The following MRE11 variants were observed in gnomAD, a reference collection of about 807,000 sequenced individuals.
MRE11 encodes double-strand break repair protein MRE11.
MRE11 carries 62 observed loss-of-function variants against 91.7 expected under a neutral mutation model. The observed-to-expected ratio is 0.68, with a 90% CI of 0.55 to 0.84. The LOEUF is 0.84. MRE11 is among the 40% of genes least tolerant of loss of function. The pLI, the probability that MRE11 is intolerant of heterozygous loss-of-function variation, is 0.00. For missense variants in MRE11, 796 were observed against 852.9 expected (o/e 0.93, Z 0.83); for synonymous variants, 273 against 271.4 (o/e 1.01, Z -0.06).
At chr11:94,445,972 C>G in intron 15 of MRE11, 79 bp from the exon 16 acceptor site, 2 of 1,010,718 alleles carry the variant, frequency 2.0e-6, no homozygotes, top group Non-Finnish European at 3.2e-6. Flanking sequence ...AAAATGAAAG[C>G]TAAATAAACT....
intron 7 of MRE11, chr11:94,473,099 G>A (rs1353362565): frequency 6.6e-6 from 1 of 152,106 alleles, no homozygotes; most frequent in Admixed American, 6.6e-5. Flanking sequence ...AGCAGTAGAA[G>A]AGCAGATGGT....
At chr11:94,489,916 C>G (rs981471109) in intron 3 of MRE11, among the ~76,000 whole-genome samples, 2 of 152,104 alleles carry the variant, frequency 1.3e-5, no homozygotes, top group Admixed American at 6.6e-5. Flanking sequence ...ACTATTCACC[C>G]AAACTCCACA....
At chr11:94,479,646 C>T (rs1311644330) in intron 5 of MRE11, 28 bp downstream of exon 5, 2 of 1,591,844 alleles carry the variant, frequency 1.3e-6, no homozygotes, top group Non-Finnish European at 1.7e-6. Context: ...TCCAAAATTC[C>T]AACAAACTCT....
chr11:94,495,486 G>C (rs911773104), upstream of MRE11, among the ~76,000 whole-genome samples: 1 of 152,166 alleles, frequency 6.6e-6, no homozygotes, highest in Non-Finnish European at 1.5e-5. Context: ...ATCTAAATGA[G>C]AGGATCAAGA....
upstream of MRE11, chr11:94,497,999 C>A: frequency 4.2e-6 from 5 of 1,197,162 alleles, no homozygotes; most frequent in South Asian, 3.1e-5. Flanking sequence ...AATCTAACAC[C>A]ACAAGACAAT....
chr11:94,486,662 G>A (rs931254291), intron 3 of MRE11, among the ~76,000 whole-genome samples: 1 of 152,042 alleles, frequency 6.6e-6, no homozygotes, highest in African/African-American at 2.4e-5. Flanking sequence ...CAAACTCTGG[G>A]GTGCACTAGA....
chr11:94,448,580 C>A (rs574248222), intron 14 of MRE11, among the ~76,000 whole-genome samples: 1 of 152,000 alleles, frequency 6.6e-6, no homozygotes, highest in South Asian at 2.1e-4. Context: ...CACTGCACTT[C>A]AGCCTAGGTG....
At chr11:94,509,319 T>C in the MRE11 span, among the ~76,000 whole-genome samples, 4 of 152,256 alleles carry the variant, frequency 2.6e-5, no homozygotes, top group African/African-American at 9.6e-5. Flanking sequence ...TTATTGTCTT[T>C]TACATTCCAT....
chr11:94,457,783 G>T (rs13447675), intron 13 of MRE11, among the ~76,000 whole-genome samples: 1,574 of 152,042 alleles, frequency 0.01, 14 homozygotes, highest in Non-Finnish European at 0.018. Flanking sequence ...TCAATGATGG[G>T]TACACAGCTA....
chr11:94,427,178 CA>C (rs1413504586), intron 19 of MRE11, among the ~76,000 whole-genome samples: 2 of 151,968 alleles, frequency 1.3e-5, no homozygotes, highest in Non-Finnish European at 2.9e-5. Flanking sequence ...AGCAGCACAT[CA>C]AAAAGTTAAT....
At chr11:94,491,056 A>G (rs1254188602) in intron 2 of MRE11, 91 bp from the exon 3 acceptor site, 1 of 840,128 alleles carries the variant, frequency 1.2e-6, no homozygotes, top group Admixed American at 2.4e-5. Flanking sequence ...AATAAATAAT[A>G]ACAGTTATAG....
chr11:94,512,405 G>A, the MRE11 span: 2 of 1,094,462 alleles, frequency 1.8e-6, no homozygotes, highest in African/African-American at 1.6e-5. Flanking sequence ...GGCCTCGGAA[G>A]GCCGGCTGGG....
intron 16 of MRE11, among the ~76,000 whole-genome samples, chr11:94,443,419 TA>T (rs900469632): frequency 1.3e-5 from 2 of 152,214 alleles, no homozygotes; most frequent in African/African-American, 4.8e-5. Context: ...AGTAAGTACC[TA>T]CCCCACAGAC....
chr11:94,441,997 A>C (rs1488284620), intron 16 of MRE11, among the ~76,000 whole-genome samples: 1 of 151,516 alleles, frequency 6.6e-6, no homozygotes, highest in Non-Finnish European at 1.5e-5. Flanking sequence ...AAAAAAAAAA[A>C]AAAGTGATCA....
intron 19 of MRE11, among the ~76,000 whole-genome samples, chr11:94,426,977 G>T (rs1462369102): frequency 6.6e-6 from 1 of 152,072 alleles, no homozygotes; most frequent in African/African-American, 2.4e-5. Flanking sequence ...GACATACAAA[G>T]AACTGGTACC....
the MRE11 span, among the ~76,000 whole-genome samples, chr11:94,511,205 A>C: frequency 6.6e-6 from 1 of 152,172 alleles, no homozygotes; most frequent in Admixed American, 6.5e-5. Context: ...ATAGATATAG[A>C]TAGATATCTC....
intron 3 of MRE11, among the ~76,000 whole-genome samples, chr11:94,488,395 C>T (rs1451569563): frequency 6.6e-6 from 1 of 152,116 alleles, no homozygotes; most frequent in Non-Finnish European, 1.5e-5. Flanking sequence ...AGCAGTGTGA[C>T]GATTCTTCAA....
rs372404360 is a variant in MRE11, at chr11:94,457,887, T to TCTCTCACA, written c.1500+1520_1500+1521insTGTGAGAG. On this transcript the variant is annotated intron_variant, in intron 13 of 19. Coordinates refer to ENST00000323929, the MANE Select transcript of MRE11 (RefSeq NM_005591.4). ...TTCTCTCTCTCCCTCTCTCTCTCTC[T>TCTCTCACA]CACACACACACACACACACACACAC... 6.0e-3 allele frequency among the ~76,000 whole-genome samples: 864 copies of TCTCTCACA among 144,194 alleles called. 2 individuals are homozygous for TCTCTCACA. Among genetic ancestry groups the TCTCTCACA allele is most frequent in the Middle Eastern group, 0.018 (5 of 280 alleles). 94.6% of individuals were successfully genotyped at this position (144,194 alleles called of 152,430 possible).
chr11:94,478,668 T>C, intron 6 of MRE11, 67 bp downstream of exon 6: 14 of 1,579,012 alleles, frequency 8.9e-6, no homozygotes, highest in Non-Finnish European at 1.2e-5. Flanking sequence ...TACAAACTTA[T>C]CTCCAAATTT....
Sources: allele counts gnomAD v4.1 joint callset (sites outside exome capture counted in the v4.1 genomes callset), GRCh38; gene constraint gnomAD v4.1.1; transcripts MANE v1.5; gene names NCBI Gene and HGNC (gene_info 2026-07-23, HGNC 2026-07-21).